Variants in SUCLG2 observed in about 807,000 individuals in gnomAD.
SUCLG2 encodes the protein succinate--CoA ligase [GDP-forming] subunit beta, mitochondrial.
Under a neutral mutation model 47.9 loss-of-function variants are expected in SUCLG2, and 42 were observed. The observed-to-expected ratio is 0.88, with a 90% CI of 0.69 to 1.14. The LOEUF (loss-of-function observed/expected upper bound fraction) is 1.14, where lower values mean the gene tolerates loss of function less well. SUCLG2 is among the 50% of genes most tolerant of loss of function. The probability of loss-of-function intolerance (pLI) is 0.00; values close to 1 mark genes in which losing one functional copy is unlikely to be tolerated. For missense variants in SUCLG2, 571 were observed against 525.9 expected, an observed-to-expected ratio of 1.09 and a Z score of -0.84; for synonymous variants, 195 against 197.3, an observed-to-expected ratio of 0.99 and a Z score of 0.10.
chr3:67,603,193 T>C (rs1256953445), intron 2 of SUCLG2, among the ~76,000 whole-genome samples: 4 of 152,358 alleles, frequency 2.6e-5, no homozygotes, highest in Admixed American at 2.0e-4. Flanking sequence ...GTTATCCTTG[T>C]CTGTCATTAT....
At chr3:67,417,182 G>C (rs908252172) in intron 9 of SUCLG2, among the ~76,000 whole-genome samples, 1 of 152,152 alleles carries the variant, frequency 6.6e-6, no homozygotes, top group Non-Finnish European at 1.5e-5. Context: ...TTTCACCAAC[G>C]TAAGTGTAAA....
At chr3:67,393,239 C>G (rs9637488) in intron 10 of SUCLG2, among the ~76,000 whole-genome samples, 42,063 of 150,114 alleles carry the variant, frequency 0.28, 5,469 homozygotes, top group Middle Eastern at 0.47. Flanking sequence ...TCGGGAAGTG[C>G]AAGGGGTCAG....
chr3:67,492,321 T>C (rs1485967684), intron 9 of SUCLG2, among the ~76,000 whole-genome samples: 2 of 152,222 alleles, frequency 1.3e-5, no homozygotes, highest in African/African-American at 4.8e-5. Flanking sequence ...ACTAGGTGTT[T>C]TGTGTAAGTG....
rs554105712 is a variant in SUCLG2 at position 67,407,392 on chromosome 3, C to T, written c.1063-6541G>A. ...GCCATCACTGATAACACAAAGGTACCCAGGCAGTAGTGGTGGCCAATTACA... is the reference window on the plus strand; with the variant it reads ...GCCATCACTGATAACACAAAGGTACTCAGGCAGTAGTGGTGGCCAATTACA... On this transcript the variant is annotated intron_variant, in intron 9 of 10. Coordinates refer to ENST00000307227, the MANE Select transcript of SUCLG2 (RefSeq NM_003848.4). 2.6e-5 allele frequency among the ~76,000 whole-genome samples: 4 copies of T among 152,174 alleles called. No individual in the cohort carries two copies. The East Asian group carries it at 7.7e-4, about 29-fold the overall frequency.
At chr3:67,571,685 A>C (rs1707615968) in intron 2 of SUCLG2, among the ~76,000 whole-genome samples, 1 of 152,212 alleles carries the variant, frequency 6.6e-6, no homozygotes, top group Admixed American at 6.5e-5. Context: ...TATATCATTT[A>C]ATTTTCCTTG....
intron 2 of SUCLG2, among the ~76,000 whole-genome samples, chr3:67,592,829 T>C (rs1575802399): frequency 6.6e-6 from 1 of 151,772 alleles, no homozygotes; most frequent in East Asian, 1.9e-4. Flanking sequence ...AGGTACACTG[T>C]CACCTCACGA....
intron 1 of SUCLG2, among the ~76,000 whole-genome samples, chr3:67,615,621 AACACACAC>A (rs60992383): frequency 7.0e-6 from 1 of 142,086 alleles, no homozygotes; most frequent in Admixed American, 7.0e-5. Context: ...CACAAACACA[AACACACAC>A]ACACACACAC....
At chr3:67,650,600 T>C (rs1701269103) in intron 1 of SUCLG2, among the ~76,000 whole-genome samples, 2 of 151,846 alleles carry the variant, frequency 1.3e-5, no homozygotes, top group Non-Finnish European at 2.9e-5. Context: ...CTACTAAAAA[T>C]ACAAAAATCA....
intron 2 of SUCLG2, among the ~76,000 whole-genome samples, chr3:67,556,796 T>A (rs1468883770): frequency 6.6e-6 from 1 of 152,216 alleles, no homozygotes; most frequent in Non-Finnish European, 1.5e-5. Flanking sequence ...TGGGGCCGGA[T>A]AACAAGATGT....
chr3:67,404,866 T>C (rs748483334), intron 9 of SUCLG2, among the ~76,000 whole-genome samples: 4 of 152,168 alleles, frequency 2.6e-5, no homozygotes, highest in Admixed American at 6.5e-5. Flanking sequence ...ATTTTCAATA[T>C]GTGCCTCACG....
intron 9 of SUCLG2, among the ~76,000 whole-genome samples, chr3:67,425,282 T>C (rs978189644): frequency 6.6e-6 from 1 of 152,190 alleles, no homozygotes; most frequent in Non-Finnish European, 1.5e-5. Flanking sequence ...ACCTCTGTCC[T>C]AAGTGTATTA....
rs1163813973 is a variant in SUCLG2 at position 67,654,574 on chromosome 3, CG to C, written c.12del (p.Val5Ter). ...AGAAGCTTCCCGGCCTGCGCTGCTA[CG>C]GGGGACGCCATCTTAAACAGGAAAC... MAS[P>X]VAAQAGKLLR... is the part of the protein sequence containing the mutation. On this transcript the variant is annotated frameshift_variant, in exon 1 of 11. Transcript: ENST00000307227. LOFTEE classifies it high-confidence loss of function. 4.7e-6 allele frequency: 6 copies of C among 1,274,132 alleles called. No homozygotes were observed. In the East Asian group the frequency reaches 8.8e-5, roughly 19 times the overall value. 78.9% of individuals were successfully genotyped at this position (1,274,132 alleles called of 1,614,324 possible). A position where few individuals can be genotyped will look rare whatever the true frequency, so the allele number is the denominator to read the frequency against.
intron 2 of SUCLG2, among the ~76,000 whole-genome samples, chr3:67,587,412 C>T (rs1290920765): frequency 6.6e-6 from 1 of 152,190 alleles, no homozygotes; most frequent in Non-Finnish European, 1.5e-5. Context: ...TCCCATATTG[C>T]GTCTGCAGTC....
intron 1 of SUCLG2, among the ~76,000 whole-genome samples, chr3:67,612,941 T>C (rs1221505906): frequency 2.6e-5 from 4 of 152,186 alleles, no homozygotes; most frequent in Non-Finnish European, 1.5e-5. Context: ...ACCAGTTATT[T>C]ATAAAGGATA....
At chr3:67,599,608 A>T (rs866695529) in intron 2 of SUCLG2, among the ~76,000 whole-genome samples, 7 of 152,102 alleles carry the variant, frequency 4.6e-5, no homozygotes. Context: ...TGATTTTTGC[A>T]CATCAAATAC....
At chr3:67,374,295 T>C (rs888361867), downstream of SUCLG2, among the ~76,000 whole-genome samples, 4 of 152,210 alleles carry the variant, frequency 2.6e-5, no homozygotes, top group African/African-American at 7.2e-5. Context: ...TTTCATACTT[T>C]TGTCCACACA....
intron 9 of SUCLG2, among the ~76,000 whole-genome samples, chr3:67,405,656 T>C (rs765731082): frequency 6.6e-6 from 1 of 152,138 alleles, no homozygotes; most frequent in Non-Finnish European, 1.5e-5. Context: ...CAAGTGTTAG[T>C]GCACACCATA....
At chr3:67,568,873 C>T (rs1242794657) in intron 2 of SUCLG2, among the ~76,000 whole-genome samples, 1 of 151,916 alleles carries the variant, frequency 6.6e-6, no homozygotes, top group Non-Finnish European at 1.5e-5. Context: ...GGCGACAGAG[C>T]GAGACTCCGT....
At chr3:67,435,868 T>A (rs1703606435) in intron 9 of SUCLG2, among the ~76,000 whole-genome samples, 1 of 152,170 alleles carries the variant, frequency 6.6e-6, no homozygotes, top group South Asian at 2.1e-4. Flanking sequence ...TTAAATGTAG[T>A]TAGATGTTCT....
Sources: gnomAD v4.1 joint callset for allele counts (sites outside exome capture counted in the v4.1 genomes callset) on GRCh38, gnomAD v4.1.1 for gene constraint, MANE v1.5 for transcripts, NCBI Gene and HGNC (gene_info 2026-07-23, HGNC 2026-07-21) for gene names.